Variants in KRT39 observed in about 807,000 individuals in gnomAD.
KRT39 encodes the protein keratin 39, also known as keratin, type I cytoskeletal 39.
A neutral mutation model predicts 54.8 loss-of-function variants in KRT39; 47 were observed. The observed-to-expected ratio is 0.86, with a 90% CI of 0.68 to 1.09. The LOEUF (loss-of-function observed/expected upper bound fraction) is 1.09. Ranked by LOEUF, KRT39 falls within the 50% of genes least tolerant of loss-of-function variation. KRT39 has a pLI of 0.00. For synonymous variants in KRT39, 207 were observed against 227.9 expected, an observed-to-expected ratio of 0.91 and a Z score of 0.83; for missense variants, 580 against 598.5, an observed-to-expected ratio of 0.97 and a Z score of 0.32.
Position 40,961,351 on chromosome 17 carries a change from A to G in KRT39, c.996+811T>C, listed in dbSNP as rs1911145257. On this transcript the variant is annotated intron_variant, in intron 5 of 6. Coordinates refer to ENST00000355612, the MANE Select transcript of KRT39 (RefSeq NM_213656.4). ...ATGGGATTTTAGGTTTTAATAGCCT[A>G]TTATTTGCATGATTATCCCAATTTT... is the stretch of plus-strand genomic sequence containing the variant. 2.0e-5 allele frequency among the ~76,000 whole-genome samples: 3 copies of G among 152,310 alleles called. No homozygotes were observed. The South Asian group carries it at 6.2e-4, about 32-fold the overall frequency.
In KRT39 at chr17:40,958,738, G is replaced by C. The variant is rs1318237230; in HGVS notation, c.1339C>G (p.His447Asp). The C allele has an allele frequency of 1.2e-6, 2 of 1,614,016 alleles. No homozygotes were observed. The highest frequency in any genetic ancestry group is 2.7e-5 in the African/African-American group (2 of 74,926). Residue 447 changes from histidine to aspartate, a missense_variant, in exon 7 of 7, where the codon CAC becomes GAC. Physicochemically the swap from His to Asp is moderately conservative, Grantham distance 81. Transcript: ENST00000355612. ...TSSSPCSLKE[H>D]CSACGPLSRI... ...GACAGGGGTCCGCAGGCACTGCAGT[G>C]CTCCTTTAAGCTGCAGGGGGATGAG...
At chr17:40,961,657 C>A (rs1174405637) in intron 5 of KRT39, among the ~76,000 whole-genome samples, 2 of 152,146 alleles carry the variant, frequency 1.3e-5, no homozygotes, top group Non-Finnish European at 2.9e-5. Context: ...CTGAAACTTA[C>A]CTTGGATTTG....
At position 40,963,648 on chromosome 17, in the gene KRT39, G is replaced by A. The variant is rs1490108257; in HGVS notation, c.687C>T (p.Cys229=). The part of the protein sequence containing the change: ...QVQSLKEELL[C]LKNNHKEEIN... ...TCACCTCTTTGTGGTTGTTCTTGAG[G>A]CAAAGGAGCTCCTCTTTCAGAGACT... The change falls in exon 3 of 7, where the codon TGC becomes TGT. Residue 229 remains cysteine (C), a synonymous_variant. Coordinates refer to ENST00000355612, the MANE Select transcript of KRT39 (RefSeq NM_213656.4). 6.2e-7 allele frequency: 1 copy of A among 1,607,900 alleles called. No homozygotes were observed. Among genetic ancestry groups the A allele is most frequent in the South Asian group, 1.1e-5 (1 of 90,574 alleles).
Position 40,960,392 on chromosome 17 carries a change from C to A in KRT39, c.1106G>T (p.Arg369Leu), listed in dbSNP as rs17843022. ...TTGGTTCTGTCTTTCCAGGGCACAC[C>A]GGATCTCTGCCAGCTGAGCTTCCAG... Reference protein sequence around the residue: ...DNLEAQLAEIRCALERQNQEY... With the variant: ...DNLEAQLAEILCALERQNQEY... The change falls in exon 6 of 7, where the codon CGG (arginine) becomes CTG (leucine). Residue 369 changes from arginine (R) to leucine (L), a missense_variant. Transcript: ENST00000355612. 1.2e-6 allele frequency: 2 copies of A among 1,613,948 alleles called. No homozygotes were observed. Among genetic ancestry groups the A allele is most frequent in the Non-Finnish European group, 1.7e-6 (2 of 1,180,010 alleles).
intron 1 of KRT39, 57 bp from the exon 2 acceptor site, chr17:40,964,585 A>G: frequency 8.1e-7 from 1 of 1,228,020 alleles, no homozygotes; most frequent in Non-Finnish European, 1.2e-6. Context: ...TCCTTCTTTA[A>G]GAACCAAGGG....
rs754220746 is a variant in KRT39 at position 40,962,405 on chromosome 17, C to T, written c.867G>A (p.Thr289=). ...TTGACTTTTCTATATCCCCCACCTG[C>T]GTGTTGAACCACTGTTCCACATCTT... ...NRKDVEQWFN[T]QIEELNQQVV... is the part of the protein sequence containing the mutation. Residue 289 remains threonine (T), a synonymous_variant, in exon 4 of 7, where the codon ACG becomes ACA. Transcript: ENST00000355612. The T allele has an allele frequency of 6.1e-5, 98 of 1,613,862 alleles. No individual in the cohort carries two copies. Among genetic ancestry groups the T allele is most frequent in the South Asian group, 1.3e-4 (12 of 91,052 alleles).
chr17:40,963,972 G>A (rs1457002733), intron 2 of KRT39, among the ~76,000 whole-genome samples, 189 bp from the exon 3 acceptor site: 1 of 152,156 alleles, frequency 6.6e-6, no homozygotes, highest in Non-Finnish European at 1.5e-5. Context: ...AAATTAGTTT[G>A]CTAGGGGGAT....
rs1368031062 is a variant in KRT39 at position 40,962,546 on chromosome 17, C to T, written c.726G>A (p.Gln242=). The T allele has an allele frequency of 3.1e-6, 5 of 1,613,256 alleles. No individual in the cohort carries two copies. The highest frequency in any genetic ancestry group is 4.2e-6 in the Non-Finnish European group (5 of 1,179,824). Residue 242 remains glutamine (Q), a synonymous_variant, in exon 4 of 7, where the codon CAG becomes CAA. Coordinates refer to ENST00000355612, the MANE Select transcript of KRT39 (RefSeq NM_213656.4). ...TGTCAAGTCTCTCCCCAAGCTGACA[C>T]TGTAAAGAATTGATTTCCTAAGGAA... The part of the protein sequence containing the change: ...NNHKEEINSL[Q]CQLGERLDIE...
rs779705056 is a variant in KRT39, at chr17:40,966,826, A to G, written c.31T>C (p.Ser11Pro). 5.0e-6 allele frequency: 8 copies of G among 1,613,276 alleles called. No homozygotes were observed. The highest frequency in any genetic ancestry group is 6.8e-6 in the Non-Finnish European group (8 of 1,179,488). ...CAGTTTTGACATGGGGTTGAAGGAGAATTGGTTGTTGTACAGCCCTTGGTG... is the reference window on the plus strand; with the variant it reads ...CAGTTTTGACATGGGGTTGAAGGAGGATTGGTTGTTGTACAGCCCTTGGTG... MDTKGCTTTN[S>P]PSTPCQNCSR... The change falls in exon 1 of 7, where the codon TCT becomes CCT. Residue 11 changes from serine (S) to proline (P), a missense_variant. By Grantham distance (74) the Ser-to-Pro change is moderately conservative. Coordinates refer to ENST00000355612, the MANE Select transcript of KRT39 (RefSeq NM_213656.4).
chr17:40,958,857 CGCCT>C lies in KRT39; in HGVS notation c.1218-2_1219del. 6.4e-7 allele frequency: 1 copy of C among 1,566,466 alleles called. No individual in the cohort carries two copies. The highest frequency in any genetic ancestry group is 2.0e-5 in the Admixed American group (1 of 51,026). Reference sequence around the variant, plus strand: ...TTTGGTGGCACGTGGGTAACAGGGACGCCTAAGGAAAAAAAACACAATTTTAGCT... The same window carrying C: ...TTTGGTGGCACGTGGGTAACAGGGACAAGGAAAAAAAACACAATTTTAGCT... On this transcript the variant is annotated splice_acceptor_variant and coding_sequence_variant, in exon 7 of 7. Coordinates refer to ENST00000355612, the MANE Select transcript of KRT39 (RefSeq NM_213656.4). LOFTEE classifies it high-confidence loss of function.
intron 3 of KRT39, 50 bp downstream of exon 3, chr17:40,963,577 G>A: frequency 6.5e-7 from 1 of 1,528,202 alleles, no homozygotes; most frequent in East Asian, 2.3e-5. Context: ...AGGAACTGAT[G>A]CTACTTTTAG....
rs778145189 is a variant in KRT39 at position 40,960,411 on chromosome 17, C to T, written c.1087G>A (p.Ala363Thr). The change falls in exon 6 of 7, where the codon GCT (alanine) becomes ACT (threonine). Residue 363 changes from alanine to threonine, a missense_variant. Transcript: ENST00000355612. ...GCACACCGGATCTCTGCCAGCTGAG[C>T]TTCCAGGTTATCAATCAGACTCTGG... is the stretch of plus-strand genomic sequence containing the variant. ...QIQSLIDNLE[A>T]QLAEIRCALE... 6.2e-7 allele frequency: 1 copy of T among 1,614,058 alleles called. No homozygotes were observed. The highest frequency in any genetic ancestry group is 8.5e-7 in the Non-Finnish European group (1 of 1,180,004).
intron 5 of KRT39, 125 bp downstream of exon 5, chr17:40,962,037 A>G (rs1911171265): frequency 7.5e-7 from 1 of 1,329,648 alleles, no homozygotes; most frequent in East Asian, 2.3e-5. Flanking sequence ...TTTTTCAGCC[A>G]TAGACGCTTT....
chr17:40,958,976 T>G (rs1435899753), intron 6 of KRT39, 117 bp from the exon 7 acceptor site: 5 of 870,300 alleles, frequency 5.7e-6, no homozygotes, highest in African/African-American at 5.1e-5. Flanking sequence ...TACATACTTC[T>G]AAATGCTTAT....
Position 40,960,430 on chromosome 17 carries a change from A to G in KRT39, c.1068T>C (p.Ser356=), listed in dbSNP as rs1264979510. ...GCTGAGCTTCCAGGTTATCAATCAG[A>G]CTCTGGATCTGGGTCAGCAAGGCCG... ...RYTALLTQIQ[S]LIDNLEAQLA... Residue 356 remains serine, a synonymous_variant, in exon 6 of 7, where the codon AGT becomes AGC. Coordinates refer to ENST00000355612, the MANE Select transcript of KRT39 (RefSeq NM_213656.4). The G allele has an allele frequency of 1.2e-6, 2 of 1,612,954 alleles. No homozygotes were observed. The highest frequency in any genetic ancestry group is 1.7e-6 in the Non-Finnish European group (2 of 1,179,770).
rs1225155426 is a variant in KRT39 at position 40,964,452 on chromosome 17, C to T, written c.545G>A (p.Arg182Lys). The T allele has an allele frequency of 6.2e-7, 1 of 1,613,994 alleles. No individual in the cohort carries two copies. Among genetic ancestry groups the T allele is most frequent in the Non-Finnish European group, 8.5e-7 (1 of 1,179,922 alleles). ...CGGTGTTGGGTGGGCTTACTTGGCT[C>T]TCAAGTCATCTGCAGTCAGTTTGGT... ...DNTKLTADDL[R>K]AKYEAEVSLR... The change falls in exon 2 of 7, where the codon AGA (arginine) becomes AAA (lysine). Residue 182 changes from arginine (R) to lysine (K), a missense_variant. Transcript: ENST00000355612.
chr17:40,958,781 C>T lies in KRT39; in HGVS notation c.1296G>A (p.Thr432=), dbSNP rs758147543. Residue 432 remains threonine, a synonymous_variant, in exon 7 of 7, where the codon ACG becomes ACA. Transcript: ENST00000355612. ...GGGATGAGGATGTGCAAGCTGGGGC[C>T]GTGCTTTCTATGGCTCCGGACTTAC... ...TSCKSGAIES[T]APACTSSSPC... is the part of the protein sequence containing the mutation. The T allele has an allele frequency of 1.2e-5, 19 of 1,613,736 alleles. No homozygotes were observed. Among genetic ancestry groups the T allele is most frequent in the Admixed American group, 8.3e-5 (5 of 59,956 alleles).
chr17:40,962,297 A>G lies in KRT39; in HGVS notation c.871-10T>C, dbSNP rs1222387323. The G allele has an allele frequency of 6.2e-7, 1 of 1,613,878 alleles. No homozygotes were observed. The highest frequency in any genetic ancestry group is 2.2e-5 in the East Asian group (1 of 44,880). On this transcript the variant is annotated splice_polypyrimidine_tract_variant and intron_variant, in intron 4 of 6. Transcript: ENST00000355612. ...GATTCAGCTCCTCTATCTGAAACACACAGCCAGAGACTGAGAATATTATGG... is the reference window on the plus strand; with the variant it reads ...GATTCAGCTCCTCTATCTGAAACACGCAGCCAGAGACTGAGAATATTATGG...
chr17:40,962,273 A>G lies in KRT39; in HGVS notation c.885T>C (p.Asn295=). ...GTTGAGAGCTGGTCACCACTTGTTG[A>G]TTCAGCTCCTCTATCTGAAACACAC... ...QWFNTQIEEL[N]QQVVTSSQQQ... is the part of the protein sequence containing the mutation. The change falls in exon 5 of 7, where the codon AAT becomes AAC. Residue 295 remains asparagine, a synonymous_variant. Coordinates refer to ENST00000355612, the MANE Select transcript of KRT39 (RefSeq NM_213656.4). 2 of 1,614,228 alleles carry G rather than the reference A, an allele frequency of 1.2e-6. No individual in the cohort carries two copies. Among genetic ancestry groups the G allele is most frequent in the Non-Finnish European group, 1.7e-6 (2 of 1,180,054 alleles).
Sources: gnomAD v4.1 joint callset for allele counts (sites outside exome capture counted in the v4.1 genomes callset) on GRCh38, gnomAD v4.1.1 for gene constraint, MANE v1.5 for transcripts, NCBI Gene and HGNC (gene_info 2026-07-23, HGNC 2026-07-21) for gene names.